STX8: variants seen among roughly 807,000 people sequenced by gnomAD.
The protein encoded by STX8 is syntaxin 8, also known as syntaxin-8.
STX8 carries 23 observed loss-of-function variants against 37.5 expected under a neutral mutation model. The ratio of observed to expected loss-of-function variants is 0.61; its 90% CI spans 0.44 to 0.87. The LOEUF (loss-of-function observed/expected upper bound fraction) is 0.87. Ranked by LOEUF, STX8 falls within the 40% of genes least tolerant of loss-of-function variation. STX8 has a pLI of 0.00. For synonymous variants in STX8, 115 were observed against 99.1 expected, an observed-to-expected ratio of 1.16 and a Z score of -0.95; for missense variants, 313 against 284.7, an observed-to-expected ratio of 1.10 and a Z score of -0.71.
intron 7 of STX8, among the ~76,000 whole-genome samples, chr17:9,297,685 C>T (rs1031024110): frequency 2.0e-5 from 3 of 152,116 alleles, no homozygotes; most frequent in East Asian, 3.9e-4. Context: ...CTGGGCAACA[C>T]GGCAAGACCC....
rs555068837 is a variant in STX8 at position 9,557,595 on chromosome 17, G to A, written c.118-67C>T. 30 of 1,364,318 alleles carry A rather than the reference G, an allele frequency of 2.2e-5. No homozygotes were observed. In the African/African-American group the frequency reaches 2.6e-4, roughly 12 times the overall value. 84.5% of individuals were successfully genotyped at this position (1,364,318 alleles called of 1,614,324 possible). On this transcript the variant is annotated intron_variant, in intron 2 of 7. Coordinates refer to ENST00000306357, the MANE Select transcript of STX8 (RefSeq NM_004853.3). ...TGTAGAATCCACAAAATTACATCAC[G>A]TAAACACTACTTCACGGGCTATGAT...
chr17:9,423,244 G>A (rs1913508542), intron 6 of STX8, among the ~76,000 whole-genome samples: 2 of 152,164 alleles, frequency 1.3e-5, no homozygotes, highest in Admixed American at 1.3e-4. Flanking sequence ...AGCTAAATGA[G>A]GAAACTATGG....
intron 6 of STX8, among the ~76,000 whole-genome samples, chr17:9,475,114 A>T (rs981987368): frequency 6.6e-6 from 1 of 152,232 alleles, no homozygotes; most frequent in Non-Finnish European, 1.5e-5. Context: ...CAGTAGAGAA[A>T]GCACACATGG....
chr17:9,438,578 G>A (rs1194174299), intron 6 of STX8, among the ~76,000 whole-genome samples: 3 of 152,100 alleles, frequency 2.0e-5, no homozygotes, highest in Admixed American at 6.6e-5. Context: ...TAGGCCATAC[G>A]TCTCTGTTGC....
intron 5 of STX8, among the ~76,000 whole-genome samples, chr17:9,495,428 A>C (rs1244402717): frequency 1.3e-5 from 2 of 152,224 alleles, no homozygotes; most frequent in Non-Finnish European, 2.9e-5. Flanking sequence ...AACGTGGATT[A>C]AAAGATAAAA....
At chr17:9,369,947 G>C (rs889234322) in intron 7 of STX8, among the ~76,000 whole-genome samples, 4 of 148,162 alleles carry the variant, frequency 2.7e-5, no homozygotes, top group Admixed American at 1.3e-4. Flanking sequence ...AGGTGCGGTG[G>C]CTCACACCTG....
At chr17:9,458,724 G>T (rs1178632802) in intron 6 of STX8, among the ~76,000 whole-genome samples, 2 of 152,180 alleles carry the variant, frequency 1.3e-5, no homozygotes, top group Admixed American at 1.3e-4. Context: ...CCAGATGACA[G>T]TGTCATATGA....
At chr17:9,327,089 G>A (rs1392433523) in intron 7 of STX8, among the ~76,000 whole-genome samples, 8 of 151,558 alleles carry the variant, frequency 5.3e-5, no homozygotes, top group Non-Finnish European at 8.8e-5. Flanking sequence ...CCTGGGAGGC[G>A]GAGGTTGCAG....
intron 6 of STX8, among the ~76,000 whole-genome samples, chr17:9,390,797 A>T (rs563268492): frequency 1.4e-5 from 2 of 142,922 alleles, no homozygotes; most frequent in Admixed American, 1.5e-4. Context: ...AGATCGCGCC[A>T]TTGCACTCCA....
chr17:9,564,571 G>C (rs1311400459), intron 2 of STX8, among the ~76,000 whole-genome samples: 1 of 152,088 alleles, frequency 6.6e-6, no homozygotes, highest in Non-Finnish European at 1.5e-5. Flanking sequence ...CAACAGTCAA[G>C]CCAAGGGCCA....
rs139983050 is a variant in STX8, at chr17:9,481,214, C to T, written c.541+10615G>A. The stretch of plus-strand genomic sequence containing the variant: ...GCCAATTTCTAAAAGACTGCTTGAC[C>T]CATAAAGTGCCTCATGCCACCAGGA... On this transcript the variant is annotated intron_variant, in intron 6 of 7. Coordinates refer to ENST00000306357, the MANE Select transcript of STX8 (RefSeq NM_004853.3). 6.2e-3 allele frequency among the ~76,000 whole-genome samples: 942 copies of T among 152,188 alleles called. 8 individuals are homozygous for T. The highest frequency in any genetic ancestry group is 0.024 in the Middle Eastern group (7 of 292).
chr17:9,495,499 C>T (rs1904350912), intron 5 of STX8, among the ~76,000 whole-genome samples: 1 of 152,094 alleles, frequency 6.6e-6, no homozygotes, highest in African/African-American at 2.4e-5. Context: ...AGTCATTAAA[C>T]TCCTAAAATT....
chr17:9,350,373 A>G (rs956542662), intron 7 of STX8, among the ~76,000 whole-genome samples: 1 of 152,252 alleles, frequency 6.6e-6, no homozygotes, highest in Non-Finnish European at 1.5e-5. Flanking sequence ...CAGGTAACTG[A>G]AACTGTGGAA....
intron 6 of STX8, among the ~76,000 whole-genome samples, chr17:9,415,567 T>G (rs981748883): frequency 3.3e-5 from 5 of 151,858 alleles, no homozygotes; most frequent in Non-Finnish European, 5.9e-5. Flanking sequence ...GTCAGGAGAT[T>G]GAGCATCCTG....
At chr17:9,456,251 G>A (rs993870095) in intron 6 of STX8, among the ~76,000 whole-genome samples, 10 of 152,210 alleles carry the variant, frequency 6.6e-5, no homozygotes, top group Non-Finnish European at 1.5e-5. Context: ...GTGAGGCTAA[G>A]CAAGTGTATT....
chr17:9,484,495 A>G (rs1906493292), intron 6 of STX8, among the ~76,000 whole-genome samples: 3 of 151,894 alleles, frequency 2.0e-5, no homozygotes. Flanking sequence ...GGGGGAAGGT[A>G]TTCCAGCCAC....
intron 6 of STX8, among the ~76,000 whole-genome samples, chr17:9,386,252 T>C (rs1912010954): frequency 6.6e-6 from 1 of 151,974 alleles, no homozygotes; most frequent in South Asian, 2.1e-4. Flanking sequence ...TATTCGGCAA[T>C]AGAAAGCATG....
At chr17:9,430,718 T>G (rs113231444) in intron 6 of STX8, among the ~76,000 whole-genome samples, 1 of 151,072 alleles carries the variant, frequency 6.6e-6, no homozygotes. Flanking sequence ...GGCGTGATCT[T>G]GGCTCACTGC....
chr17:9,321,606 G>A (rs1363197478), intron 7 of STX8, among the ~76,000 whole-genome samples: 1 of 151,718 alleles, frequency 6.6e-6, no homozygotes, highest in Admixed American at 6.6e-5. Context: ...TGCAACCTCC[G>A]CCTCCCAGGT....
Sources: allele counts gnomAD v4.1 joint callset (sites outside exome capture counted in the v4.1 genomes callset), GRCh38; gene constraint gnomAD v4.1.1; transcripts MANE v1.5; gene names NCBI Gene and HGNC (gene_info 2026-07-23, HGNC 2026-07-21).